Variants in TMEFF2 observed in about 807,000 individuals in gnomAD.
TMEFF2 encodes transmembrane protein with EGF like and two follistatin like domains 2.
A neutral mutation model predicts 53.8 loss-of-function variants in TMEFF2; 28 were observed. The ratio of observed to expected loss-of-function variants is 0.52; its 90% CI spans 0.39 to 0.71. The LOEUF (loss-of-function observed/expected upper bound fraction) is 0.71. TMEFF2 is among the 30% of genes least tolerant of loss of function. The pLI is 0.00. For synonymous variants in TMEFF2, 162 were observed against 166.3 expected (o/e 0.97, Z 0.20); for missense variants, 353 against 455.2 (o/e 0.78, Z 2.04).
chr2:192,130,388 T>C (rs1239736745), intron 4 of TMEFF2, among the ~76,000 whole-genome samples: 1 of 152,130 alleles, frequency 6.6e-6, no homozygotes, highest in Non-Finnish European at 1.5e-5. Context: ...AAAGAGTATG[T>C]CAGGCCTCTG....
chr2:191,962,976 T>G (rs2105794010), intron 7 of TMEFF2, among the ~76,000 whole-genome samples: 1 of 152,318 alleles, frequency 6.6e-6, no homozygotes, highest in South Asian at 2.1e-4. Context: ...TTTACAGGTC[T>G]TGGTTTGAAG....
intron 6 of TMEFF2, 124 bp from the exon 7 acceptor site, chr2:191,998,445 AGC>A (rs1686276996): frequency 1.7e-6 from 1 of 605,896 alleles, no homozygotes; most frequent in Non-Finnish European, 2.8e-6. Context: ...TGTAGTTCTA[AGC>A]AACCTGCATC....
Position 192,179,691 on chromosome 2 carries a change from G to A in TMEFF2, c.416C>T (p.Ala139Val). 6.6e-7 allele frequency: 1 copy of A among 1,519,592 alleles called. No homozygotes were observed. Among genetic ancestry groups the A allele is most frequent in the Non-Finnish European group, 8.8e-7 (1 of 1,142,836 alleles). The allele number at this position is 1,519,592 out of a possible 1,614,324, so 94.1% of individuals were successfully genotyped here. The stretch of plus-strand genomic sequence containing the variant: ...ACCTCCATCTCCAGATCCTGATCCT[G>A]CATCTGTGGGGGGAAAAGTTATATT... ...VVSEGSCATD[A>V]GSGSGDGVHE... Residue 139 changes from alanine to valine, a missense_variant, in exon 4 of 10, where the codon GCA (alanine) becomes GTA (valine). Ala to Val is a moderately conservative substitution (Grantham distance 64, BLOSUM62 0). Around this residue, in one of 3 missense-constraint regions of TMEFF2, gnomAD observed 294 missense variants for 397.3 expected, o/e 0.74. Coordinates refer to ENST00000272771, the MANE Select transcript of TMEFF2 (RefSeq NM_016192.4).
At chr2:192,096,676 T>C (rs994892262) in intron 4 of TMEFF2, among the ~76,000 whole-genome samples, 2 of 127,998 alleles carry the variant, frequency 1.6e-5, no homozygotes, top group Admixed American at 7.9e-5. Context: ...CTCTCTTTTT[T>C]TTTTTTTTTT....
At chr2:192,093,426 G>C (rs200636342) in intron 4 of TMEFF2, among the ~76,000 whole-genome samples, 2,911 of 104,268 alleles carry the variant, frequency 0.028, 97 homozygotes, top group African/African-American at 0.093. Flanking sequence ...GGGACTCCCA[G>C]ACTCTTTCTT....
chr2:192,001,163 T>G (rs1292773776), intron 5 of TMEFF2, among the ~76,000 whole-genome samples: 1 of 152,186 alleles, frequency 6.6e-6, no homozygotes, highest in African/African-American at 2.4e-5. Flanking sequence ...AGATTCTGAC[T>G]GTTGTTGTGT....
At chr2:192,028,547 C>T (rs914857453) in intron 5 of TMEFF2, 6 of 151,760 alleles carry the variant, frequency 4.0e-5, no homozygotes, top group Non-Finnish European at 7.4e-5. Context: ...CTGGATTAGC[C>T]AACCATTTAT....
At chr2:192,099,712 C>T (rs1332938279) in intron 4 of TMEFF2, among the ~76,000 whole-genome samples, 1 of 151,494 alleles carries the variant, frequency 6.6e-6, no homozygotes, top group Non-Finnish European at 1.5e-5. Flanking sequence ...GTCTATCAAA[C>T]TTGCACAAAT....
intron 7 of TMEFF2, among the ~76,000 whole-genome samples, chr2:191,965,836 C>G (rs1236306608): frequency 6.6e-6 from 1 of 152,164 alleles, no homozygotes; most frequent in Non-Finnish European, 1.5e-5. Flanking sequence ...ATGTTCTCTT[C>G]TGTCTCCTCA....
intron 4 of TMEFF2, among the ~76,000 whole-genome samples, chr2:192,157,279 T>C (rs1183453557): frequency 1.3e-5 from 2 of 152,082 alleles, no homozygotes; most frequent in Non-Finnish European, 2.9e-5. Flanking sequence ...TGTTTGAATA[T>C]TGATTTTGTC....
intron 5 of TMEFF2, among the ~76,000 whole-genome samples, chr2:192,010,166 T>C (rs557823173): frequency 1.8e-4 from 27 of 152,328 alleles, no homozygotes; most frequent in African/African-American, 6.5e-4. Flanking sequence ...CCTCATCTTA[T>C]GTGTTTGTCC....
chr2:192,125,143 GT>G (rs1331356893), intron 4 of TMEFF2, among the ~76,000 whole-genome samples: 12 of 152,154 alleles, frequency 7.9e-5, no homozygotes, highest in African/African-American at 2.7e-4. Flanking sequence ...ATTTTTAAAA[GT>G]TTTCTCAGCT....
chr2:192,070,342 A>ACT (rs1397431594), intron 4 of TMEFF2, among the ~76,000 whole-genome samples: 2 of 151,790 alleles, frequency 1.3e-5, no homozygotes, highest in African/African-American at 4.8e-5. Flanking sequence ...CATGTTTTGT[A>ACT]GGGCTTCACT....
intron 2 of TMEFF2, among the ~76,000 whole-genome samples, chr2:192,186,962 G>C (rs1401101051): frequency 6.6e-6 from 1 of 152,062 alleles, no homozygotes; most frequent in South Asian, 2.1e-4. Context: ...AGCCAAATTC[G>C]AACAGTTCTA....
At chr2:191,991,307 G>A (rs1429465270) in intron 7 of TMEFF2, among the ~76,000 whole-genome samples, 1 of 152,052 alleles carries the variant, frequency 6.6e-6, no homozygotes, top group African/African-American at 2.4e-5. Flanking sequence ...GATAATATAT[G>A]TATAACAACT....
intron 4 of TMEFF2, among the ~76,000 whole-genome samples, chr2:192,119,169 CA>C (rs1574389316): frequency 6.6e-6 from 1 of 151,996 alleles, no homozygotes. Context: ...GACAAGATAC[CA>C]AACTAATTTT....
rs756134934 is a variant in TMEFF2, at chr2:192,057,789, A to G, written c.440-14T>C. The G allele has an allele frequency of 8.1e-6, 13 of 1,599,164 alleles. No homozygotes were observed. The highest frequency in any genetic ancestry group is 1.0e-5 in the Non-Finnish European group (12 of 1,166,672). On this transcript the variant is annotated splice_polypyrimidine_tract_variant and intron_variant, in intron 4 of 9. Coordinates refer to ENST00000272771, the MANE Select transcript of TMEFF2 (RefSeq NM_016192.4). ...AGCCTTCATGGACTGTAGGACAGAA[A>G]AACAGTAAAAGGAATTCAGGTAATT... is the stretch of plus-strand genomic sequence containing the variant.
At position 192,179,952 on chromosome 2, in the gene TMEFF2, C is replaced by T. The variant is rs1003081521; in HGVS notation, c.413-258G>A. ...CCCCGTTTGGAAAATTTCCTAATCTCGGCTATGAAAAATTCCTAATCTTGA... is the reference window on the plus strand; with the variant it reads ...CCCCGTTTGGAAAATTTCCTAATCTTGGCTATGAAAAATTCCTAATCTTGA... On this transcript the variant is annotated intron_variant, in intron 3 of 9. Coordinates refer to ENST00000272771, the MANE Select transcript of TMEFF2 (RefSeq NM_016192.4). 4.6e-5 allele frequency among the ~76,000 whole-genome samples: 7 copies of T among 151,446 alleles called. No individual in the cohort carries two copies. In the South Asian group the frequency reaches 1.5e-3, roughly 31 times the overall value.
chr2:192,114,674 GT>G (rs773001988), intron 4 of TMEFF2, among the ~76,000 whole-genome samples: 1 of 151,954 alleles, frequency 6.6e-6, no homozygotes, highest in East Asian at 1.9e-4. Context: ...AAACAATTCT[GT>G]TTACAGTAGC....
Sources: gnomAD v4.1 joint callset for allele counts (sites outside exome capture counted in the v4.1 genomes callset) on GRCh38, gnomAD v4.1.1 for gene constraint, gnomAD v4.1.1 regional missense constraint, MANE v1.5 for transcripts, NCBI Gene and HGNC (gene_info 2026-07-23, HGNC 2026-07-21) for gene names.